IMMP2L: variants seen among roughly 807,000 people sequenced by gnomAD.
The protein encoded by IMMP2L is mitochondrial inner membrane protease subunit 2.
Under a neutral mutation model 19.3 loss-of-function variants are expected in IMMP2L, and 18 were observed. The observed-to-expected ratio is 0.93, with a 90% confidence interval of 0.64 to 1.38. IMMP2L has a LOEUF of 1.38. Among genes scored for constraint, IMMP2L ranks in the 40% most tolerant of loss-of-function variants. The probability of loss-of-function intolerance (pLI) is 0.00; values close to 1 mark genes in which losing one functional copy is unlikely to be tolerated. For missense variants in IMMP2L, 233 were observed against 218.2 expected (o/e 1.07, Z -0.43); for synonymous variants, 76 against 73.0 (o/e 1.04, Z -0.21).
chr7:111,364,569 A>T (rs1365987803), intron 3 of IMMP2L, among the ~76,000 whole-genome samples: 3 of 150,762 alleles, frequency 2.0e-5, no homozygotes, highest in East Asian at 3.9e-4. Flanking sequence ...CTGGAGGCAG[A>T]GGTTGCAGTG....
chr7:111,092,200 A>G (rs1360199921), intron 3 of IMMP2L, among the ~76,000 whole-genome samples: 5 of 152,144 alleles, frequency 3.3e-5, no homozygotes, highest in Non-Finnish European at 7.4e-5. Flanking sequence ...GACAGTGCAA[A>G]TGTCTGATTG....
intron 3 of IMMP2L, among the ~76,000 whole-genome samples, chr7:111,257,308 C>T: frequency 6.6e-6 from 1 of 152,038 alleles, no homozygotes; most frequent in Non-Finnish European, 1.5e-5. Flanking sequence ...GAAAATTAGT[C>T]CAAAAGCCTA....
chr7:111,269,638 TAC>T (rs1818231082), intron 3 of IMMP2L, among the ~76,000 whole-genome samples: 1 of 150,126 alleles, frequency 6.7e-6, no homozygotes. Context: ...TAGTATGTAT[TAC>T]AGTTTTTTTT....
At chr7:111,405,483 C>T (rs545900899) in intron 3 of IMMP2L, among the ~76,000 whole-genome samples, 31 of 152,186 alleles carry the variant, frequency 2.0e-4, no homozygotes, top group Admixed American at 4.6e-4. Flanking sequence ...TATTGTAATA[C>T]ACATAAATTC....
At chr7:110,858,766 A>C (rs1807072133) in intron 5 of IMMP2L, among the ~76,000 whole-genome samples, 1 of 149,996 alleles carries the variant, frequency 6.7e-6, no homozygotes. Context: ...CCCCGACCCC[A>C]CAACAGTCCC....
intron 3 of IMMP2L, among the ~76,000 whole-genome samples, chr7:111,012,954 TTTCA>T (rs1165510221): frequency 1.3e-5 from 2 of 152,162 alleles, no homozygotes; most frequent in African/African-American, 4.8e-5. Flanking sequence ...GCACTGCAGC[TTTCA>T]TTCATTCAGC....
intron 3 of IMMP2L, among the ~76,000 whole-genome samples, chr7:111,017,648 C>T (rs1317518412): frequency 6.6e-6 from 1 of 152,110 alleles, no homozygotes; most frequent in Non-Finnish European, 1.5e-5. Flanking sequence ...GACACAATCC[C>T]TTCTTTACCA....
chr7:111,107,288 T>C (rs937733343), intron 3 of IMMP2L, among the ~76,000 whole-genome samples: 2 of 152,024 alleles, frequency 1.3e-5, no homozygotes, highest in Admixed American at 1.3e-4. Flanking sequence ...ATTTAAATTA[T>C]ATGGGCATGT....
At chr7:111,512,227 A>G (rs547588371) in intron 2 of IMMP2L, among the ~76,000 whole-genome samples, 13 of 152,302 alleles carry the variant, frequency 8.5e-5, no homozygotes, top group African/African-American at 3.1e-4. Flanking sequence ...ACATAGTACA[A>G]CATGGCTAAA....
At chr7:110,853,889 T>C (rs1344500019) in intron 5 of IMMP2L, among the ~76,000 whole-genome samples, 1 of 151,972 alleles carries the variant, frequency 6.6e-6, no homozygotes, top group Non-Finnish European at 1.5e-5. Context: ...ACTATGTACT[T>C]TAATATGTGA....
chr7:110,817,253 C>A (rs996363988), intron 5 of IMMP2L, among the ~76,000 whole-genome samples: 3 of 152,248 alleles, frequency 2.0e-5, no homozygotes, highest in South Asian at 4.1e-4. Flanking sequence ...TGATAAGCAA[C>A]TTCAGCAAAG....
chr7:110,992,129 G>C (rs1822541689), intron 3 of IMMP2L, among the ~76,000 whole-genome samples: 2 of 151,988 alleles, frequency 1.3e-5, no homozygotes, highest in African/African-American at 4.8e-5. Flanking sequence ...ACTTCTCTGA[G>C]AGATTATAAG....
Position 111,414,268 on chromosome 7 carries a change from A to G in IMMP2L, c.239+72970T>C, listed in dbSNP as rs1000965029. Reference sequence around the variant, plus strand: ...AGGCAATTTCCCAGCAAGTCTCAAAAAGACCCAGAGGGTAGCTTCCTGAAT... The same window carrying G: ...AGGCAATTTCCCAGCAAGTCTCAAAGAGACCCAGAGGGTAGCTTCCTGAAT... On this transcript the variant is annotated intron_variant, in intron 3 of 5. Coordinates refer to ENST00000405709, the MANE Select transcript of IMMP2L (RefSeq NM_032549.4). Among the ~76,000 whole-genome samples, 6 of 151,988 alleles carry G rather than the reference A, an allele frequency of 3.9e-5. No homozygotes were observed. In the East Asian group the frequency reaches 1.2e-3, roughly 29 times the overall value.
intron 4 of IMMP2L, among the ~76,000 whole-genome samples, chr7:110,912,084 G>C (rs1473650610): frequency 6.6e-6 from 1 of 151,960 alleles, no homozygotes; most frequent in African/African-American, 2.4e-5. Flanking sequence ...CAGTTATAAT[G>C]TCAAAGGAGA....
At chr7:110,980,590 G>C (rs1229834087) in intron 3 of IMMP2L, among the ~76,000 whole-genome samples, 1 of 152,068 alleles carries the variant, frequency 6.6e-6, no homozygotes, top group African/African-American at 2.4e-5. Context: ...TCTTGTACAT[G>C]ATGTGGATTC....
chr7:111,373,946 T>G (rs567373870), intron 3 of IMMP2L, among the ~76,000 whole-genome samples: 74 of 151,954 alleles, frequency 4.9e-4, no homozygotes, highest in African/African-American at 1.7e-3. Flanking sequence ...TTGAGGTGGG[T>G]TTTTTTCCCC....
chr7:111,431,231 G>C (rs557421380), intron 3 of IMMP2L, among the ~76,000 whole-genome samples: 1 of 151,890 alleles, frequency 6.6e-6, no homozygotes, highest in South Asian at 2.1e-4. Context: ...TCTTTTGTTA[G>C]ATAACAAAAT....
At chr7:110,665,289 A>T (rs60421049) in intron 5 of IMMP2L, among the ~76,000 whole-genome samples, 4,976 of 152,304 alleles carry the variant, frequency 0.033, 178 homozygotes, top group African/African-American at 0.083. Flanking sequence ...TACATATATG[A>T]GACATGTACA....
intron 3 of IMMP2L, among the ~76,000 whole-genome samples, chr7:111,030,906 A>G (rs200817776): frequency 0.5 from 69,829 of 140,896 alleles, 18,481 homozygotes; most frequent in Non-Finnish European, 0.59. Flanking sequence ...ATATATATAT[A>G]TATATATATA....
Sources: allele counts gnomAD v4.1 joint callset (sites outside exome capture counted in the v4.1 genomes callset), GRCh38; gene constraint gnomAD v4.1.1; transcripts MANE v1.5; gene names NCBI Gene and HGNC (gene_info 2026-07-23, HGNC 2026-07-21).